The following PBX1 variants were observed in gnomAD, a reference collection of about 807,000 sequenced individuals.
PBX1 encodes the protein pre-B-cell leukemia transcription factor 1.
In PBX1, 6 loss-of-function variants were observed where a neutral mutation model predicts 53.4. The ratio of observed to expected loss-of-function variants is 0.11; its 90% CI spans 0.06 to 0.22. PBX1 has a LOEUF of 0.22. Among genes scored for constraint, PBX1 ranks in the 10% least tolerant of loss-of-function variants. The pLI, the probability that PBX1 is intolerant of heterozygous loss-of-function variation, is 1.00. For synonymous variants in PBX1, 204 were observed against 212.3 expected (o/e 0.96, Z 0.34); for missense variants, 251 against 551.4 (o/e 0.46, Z 5.46).
chr1:164,684,991 A>G (rs1311046921), intron 2 of PBX1: 1 of 152,222 alleles, frequency 6.6e-6, no homozygotes, highest in Admixed American at 6.5e-5. Flanking sequence ...ACCTCACGTA[A>G]TCCTCACCAC....
At chr1:164,582,611 T>A (rs1353707224) in intron 2 of PBX1, among the ~76,000 whole-genome samples, 3 of 151,882 alleles carry the variant, frequency 2.0e-5, no homozygotes, top group African/African-American at 7.3e-5. Context: ...TTAGTAGAGA[T>A]GGGGTTTCAT....
intron 2 of PBX1, among the ~76,000 whole-genome samples, chr1:164,774,010 G>A (rs12090754): frequency 0.65 from 98,161 of 152,022 alleles, 32,389 homozygotes; most frequent in East Asian, 0.77. Context: ...AGAAATATGA[G>A]TAAGAGAAAA....
chr1:164,877,255 C>CAA (rs113396239), intron 2 of PBX1, among the ~76,000 whole-genome samples: 27 of 131,198 alleles, frequency 2.1e-4, no homozygotes, highest in African/African-American at 5.8e-4. Context: ...CAGTGATGGG[C>CAA]AAAAAAAAAA....
At chr1:164,835,303 T>C (rs1670983272) in intron 8 of PBX1, among the ~76,000 whole-genome samples, 1 of 151,886 alleles carries the variant, frequency 6.6e-6, no homozygotes, top group Non-Finnish European at 1.5e-5. Context: ...ACAGAACATT[T>C]AATGCACATT....
intron 2 of PBX1, among the ~76,000 whole-genome samples, chr1:164,749,897 C>A (rs1204114799): frequency 1.3e-5 from 2 of 151,954 alleles, no homozygotes; most frequent in East Asian, 3.9e-4. Flanking sequence ...CCAGGAGTTC[C>A]AGACCAGCCT....
chr1:164,809,980 C>T (rs999406347), intron 5 of PBX1, among the ~76,000 whole-genome samples: 2 of 152,134 alleles, frequency 1.3e-5, no homozygotes, highest in African/African-American at 4.8e-5. Flanking sequence ...TTAACAACTT[C>T]CCCATGAACA....
chr1:164,824,549 T>G (rs1670327831), intron 8 of PBX1, among the ~76,000 whole-genome samples: 1 of 152,178 alleles, frequency 6.6e-6, no homozygotes, highest in African/African-American at 2.4e-5. Context: ...TGTGAGCAGT[T>G]TTCTCAGTAG....
chr1:164,580,608 C>T (rs1464863390), intron 2 of PBX1, among the ~76,000 whole-genome samples: 1 of 151,742 alleles, frequency 6.6e-6, no homozygotes, highest in Non-Finnish European at 1.5e-5. Flanking sequence ...TGGAGTTTTG[C>T]TCTGGTTGCC....
At chr1:164,691,571 C>A (rs1219055365) in intron 2 of PBX1, among the ~76,000 whole-genome samples, 1 of 152,174 alleles carries the variant, frequency 6.6e-6, no homozygotes, top group South Asian at 2.1e-4. Context: ...TCTAGACACA[C>A]CTGAGGCTGA....
intron 4 of PBX1, among the ~76,000 whole-genome samples, chr1:164,802,679 C>T (rs1467497530): frequency 2.0e-5 from 3 of 152,154 alleles, no homozygotes; most frequent in Admixed American, 6.5e-5. Context: ...CCTTTCGGCC[C>T]TTTATGCCAC....
At chr1:164,871,126 G>T (rs559733700) in intron 2 of PBX1, among the ~76,000 whole-genome samples, 58 of 152,346 alleles carry the variant, frequency 3.8e-4, no homozygotes, top group African/African-American at 1.3e-3. Context: ...CAGAGTTGAT[G>T]ATCTTGTCAG....
At chr1:164,668,921 C>T (rs1220128977) in intron 2 of PBX1, among the ~76,000 whole-genome samples, 1 of 152,144 alleles carries the variant, frequency 6.6e-6, no homozygotes, top group Non-Finnish European at 1.5e-5. Context: ...TTTCGCCTGG[C>T]AGAATCCGTT....
intron 2 of PBX1, among the ~76,000 whole-genome samples, chr1:164,652,541 G>A (rs900492604): frequency 6.6e-6 from 1 of 152,102 alleles, no homozygotes; most frequent in Non-Finnish European, 1.5e-5. Flanking sequence ...CTTGCTCAAG[G>A]TAATAGAACT....
At chr1:164,769,582 T>C (rs1007869436) in intron 2 of PBX1, among the ~76,000 whole-genome samples, 1 of 152,282 alleles carries the variant, frequency 6.6e-6, no homozygotes, top group East Asian at 1.9e-4. Context: ...GCTGTACAAA[T>C]GGGAATGACA....
At chr1:164,591,838 A>T (rs1262390430) in intron 2 of PBX1, among the ~76,000 whole-genome samples, 1 of 152,160 alleles carries the variant, frequency 6.6e-6, no homozygotes, top group African/African-American at 2.4e-5. Context: ...TCTGCATTCT[A>T]ACCCAGTGCT....
At chr1:164,767,227 G>A (rs761368093) in intron 2 of PBX1, among the ~76,000 whole-genome samples, 74 of 152,108 alleles carry the variant, frequency 4.9e-4, no homozygotes, top group Non-Finnish European at 6.8e-4. Context: ...TATAATTTGT[G>A]GGTCCCAGTA....
At chr1:164,699,620 G>A (rs1662993726) in intron 2 of PBX1, among the ~76,000 whole-genome samples, 1 of 152,170 alleles carries the variant, frequency 6.6e-6, no homozygotes, top group South Asian at 2.1e-4. Context: ...AGATGAAAGG[G>A]GGAGGTGGTC....
At chr1:164,728,190 GC>G (rs769913015) in intron 2 of PBX1, among the ~76,000 whole-genome samples, 9 of 152,046 alleles carry the variant, frequency 5.9e-5, no homozygotes, top group Non-Finnish European at 1.0e-4. Flanking sequence ...GGTGATATGT[GC>G]CTGTAGTTCC....
intron 2 of PBX1, among the ~76,000 whole-genome samples, chr1:164,665,583 A>C (rs1660756117): frequency 6.6e-6 from 1 of 152,164 alleles, no homozygotes; most frequent in African/African-American, 2.4e-5. Flanking sequence ...CACTGAACCC[A>C]GCCTAATTTT....
Sources: gnomAD v4.1 joint callset for allele counts (sites outside exome capture counted in the v4.1 genomes callset) on GRCh38, gnomAD v4.1.1 for gene constraint, MANE v1.5 for transcripts, NCBI Gene and HGNC (gene_info 2026-07-23, HGNC 2026-07-21) for gene names.